The following CLEC16A variants were observed in gnomAD, a reference collection of about 807,000 sequenced individuals.
CLEC16A encodes the protein C-type lectin domain containing 16A.
A neutral mutation model predicts 109.5 loss-of-function variants in CLEC16A; 51 were observed. The ratio of observed to expected loss-of-function variants is 0.47; its 90% CI spans 0.37 to 0.59. The LOEUF (loss-of-function observed/expected upper bound fraction) is 0.59. CLEC16A is among the 20% of genes least tolerant of loss of function. The probability of loss-of-function intolerance (pLI) is 0.00; values close to 1 mark genes in which losing one functional copy is unlikely to be tolerated. For missense variants in CLEC16A, 1,339 were observed against 1,394.0 expected (o/e 0.96, Z 0.63); for synonymous variants, 673 against 564.2 (o/e 1.19, Z -2.73).
intron 11 of CLEC16A, 35 bp downstream of exon 11, chr16:11,003,340 G>A (rs200217335): frequency 2.5e-5 from 39 of 1,568,050 alleles, no homozygotes; most frequent in Admixed American, 3.5e-5. Flanking sequence ...CTGTGCCTGC[G>A]CCGCCAGCCA....
intron 11 of CLEC16A, 124 bp downstream of exon 11, chr16:11,003,429 C>G: frequency 2.8e-6 from 2 of 727,232 alleles, no homozygotes; most frequent in Non-Finnish European, 4.6e-6. Context: ...TGATTCGATT[C>G]CTACCTCACA....
At chr16:11,020,715 G>A (rs151333124) in intron 12 of CLEC16A, among the ~76,000 whole-genome samples, 232 of 152,344 alleles carry the variant, frequency 1.5e-3, no homozygotes, top group Middle Eastern at 3.4e-3. Flanking sequence ...TCCCTGCCCT[G>A]CACACACAAA....
intron 11 of CLEC16A, among the ~76,000 whole-genome samples, chr16:11,017,676 G>C (rs1395575034): frequency 2.0e-5 from 3 of 152,172 alleles, no homozygotes; most frequent in African/African-American, 4.8e-5. Context: ...TTGATAGTAT[G>C]TGCCCTGATA....
intron 19 of CLEC16A, among the ~76,000 whole-genome samples, chr16:11,093,691 G>A (rs985761658): frequency 2.0e-5 from 3 of 152,182 alleles, no homozygotes; most frequent in Admixed American, 6.5e-5. Context: ...AAGAGGGCAG[G>A]GCGTGTACAA....
chr16:10,972,001 A>G (rs1448036966), intron 5 of CLEC16A, among the ~76,000 whole-genome samples: 2 of 152,208 alleles, frequency 1.3e-5, no homozygotes, highest in African/African-American at 4.8e-5. Context: ...CCAGCCTAGC[A>G]CTGGGCTTAC....
intron 22 of CLEC16A, 112 bp from the exon 23 acceptor site, chr16:11,166,276 C>T: frequency 2.5e-6 from 3 of 1,212,618 alleles, no homozygotes; most frequent in South Asian, 1.6e-5. Context: ...TTCCAGGGAA[C>T]AGAGCAGGAC....
chr16:11,001,728 C>T (rs1361503370), intron 10 of CLEC16A, among the ~76,000 whole-genome samples: 1 of 152,130 alleles, frequency 6.6e-6, no homozygotes, highest in Admixed American at 6.5e-5. Context: ...GAAGCCTTGA[C>T]CTCCCAGCCT....
At chr16:10,948,104 A>G (rs113453430) in intron 1 of CLEC16A, among the ~76,000 whole-genome samples, 2,342 of 152,246 alleles carry the variant, frequency 0.015, 30 homozygotes, top group African/African-American at 0.037. Context: ...CGTGTTAGCC[A>G]GGATGGTCTC....
intron 19 of CLEC16A, among the ~76,000 whole-genome samples, chr16:11,105,081 G>A (rs34972832): frequency 0.15 from 22,237 of 152,202 alleles, 2,049 homozygotes; most frequent in South Asian, 0.23. Context: ...GCCTCACAGA[G>A]TTAGGCAATT....
Position 11,080,651 on chromosome 16 carries a change from C to T in CLEC16A, c.2116+19629C>T, listed in dbSNP as rs1451665628. On this transcript the variant is annotated intron_variant, in intron 19 of 23. Coordinates refer to ENST00000409790, the MANE Select transcript of CLEC16A (RefSeq NM_015226.3). Reference sequence around the variant, plus strand: ...CTAAAGTCTAGGTGTTGGTCCTTCCCGAAATCTCTGGGGAGAATCTGTTTT... The same window carrying T: ...CTAAAGTCTAGGTGTTGGTCCTTCCTGAAATCTCTGGGGAGAATCTGTTTT... Among the ~76,000 whole-genome samples, 8 of 152,296 alleles carry T rather than the reference C, an allele frequency of 5.3e-5. No homozygotes were observed. The South Asian group carries it at 1.0e-3, about 20-fold the overall frequency.
intron 19 of CLEC16A, among the ~76,000 whole-genome samples, chr16:11,095,817 G>GAA (rs34366897): frequency 6.6e-5 from 7 of 105,888 alleles, no homozygotes; most frequent in Non-Finnish European, 5.7e-5. Flanking sequence ...GTCTCAAAAA[G>GAA]AAAAAAAAAA....
chr16:11,109,215 T>C (rs983057186), intron 19 of CLEC16A, among the ~76,000 whole-genome samples: 2 of 149,972 alleles, frequency 1.3e-5, no homozygotes, highest in African/African-American at 4.9e-5. Context: ...ACCCAGGCAG[T>C]GGTGCAGTGG....
intron 19 of CLEC16A, among the ~76,000 whole-genome samples, chr16:11,113,617 C>G (rs2051754101): frequency 6.6e-6 from 1 of 152,128 alleles, no homozygotes; most frequent in South Asian, 2.1e-4. Context: ...CATGATCGCT[C>G]CCCTGTACTC....
chr16:11,016,357 T>C (rs1300305037), intron 11 of CLEC16A, among the ~76,000 whole-genome samples: 3 of 150,320 alleles, frequency 2.0e-5, no homozygotes, highest in Non-Finnish European at 3.0e-5. Flanking sequence ...TTTTTTTCTT[T>C]TTTTTTTTTG....
intron 23 of CLEC16A, among the ~76,000 whole-genome samples, chr16:11,171,047 T>C (rs907713717): frequency 6.6e-6 from 1 of 152,188 alleles, no homozygotes; most frequent in Non-Finnish European, 1.5e-5. Flanking sequence ...GTGGATTCCT[T>C]TTGCCCATCT....
rs763983042 is a variant in CLEC16A at position 11,178,583 on chromosome 16, C to T, written c.3055C>T (p.Arg1019Cys). The T allele has an allele frequency of 2.9e-5, 47 of 1,610,286 alleles. No individual in the cohort carries two copies. The highest frequency in any genetic ancestry group is 1.6e-4 in the Middle Eastern group (1 of 6,082). ...LVPPVDPHSL[R>C]SLTGMPPLST... ...CCCCCCAGTTGACCCCCACAGCCTC[C>T]GCAGCCTCACCGGCATGCCCCCGCT... The change falls in exon 24 of 24, where the codon CGC (arginine) becomes TGC (cysteine). Residue 1019 changes from arginine to cysteine, a missense_variant. By Grantham distance (180) the Arg-to-Cys change is radical. Transcript: ENST00000409790. This position sits in a 1 kb window ranked among gnomAD's most constrained non-coding sequence, Gnocchi z 6.5.
At chr16:10,957,246 A>G (rs1489918741) in intron 1 of CLEC16A, among the ~76,000 whole-genome samples, 1 of 152,212 alleles carries the variant, frequency 6.6e-6, no homozygotes. Flanking sequence ...GGGGAATTGC[A>G]TGTGATTTTT....
chr16:10,946,400 G>T lies in CLEC16A; in HGVS notation c.80+1603G>T, dbSNP rs972328524. 2.6e-5 allele frequency among the ~76,000 whole-genome samples: 4 copies of T among 152,296 alleles called. No individual in the cohort carries two copies. In the East Asian group the frequency reaches 7.7e-4, roughly 29 times the overall value. On this transcript the variant is annotated intron_variant, in intron 1 of 23. Transcript: ENST00000409790. ...TAAACGTTTGTGAGTCTTGAAGAGT[G>T]GGGAGCAGGAGGGTTCACTATGTGG...
intron 13 of CLEC16A, among the ~76,000 whole-genome samples, chr16:11,034,471 G>C (rs2046913741): frequency 6.6e-6 from 1 of 152,220 alleles, no homozygotes; most frequent in Non-Finnish European, 1.5e-5. Flanking sequence ...GAAGAATCCA[G>C]ATATCAGAAC....
Sources: gnomAD v4.1 joint callset for allele counts (sites outside exome capture counted in the v4.1 genomes callset) on GRCh38, gnomAD v4.1.1 for gene constraint, Gnocchi (gnomAD v3.1) non-coding constraint, MANE v1.5 for transcripts, NCBI Gene and HGNC (gene_info 2026-07-23, HGNC 2026-07-21) for gene names.